The following ROBO2 variants were observed in gnomAD, a reference collection of about 807,000 sequenced individuals.
ROBO2 encodes roundabout guidance receptor 2.
ROBO2 carries 53 observed loss-of-function variants against 160.8 expected under a neutral mutation model. That is an observed-to-expected ratio of 0.33 (90% CI 0.26 to 0.41). The LOEUF is 0.41. Ranked by LOEUF, ROBO2 falls within the 10% of genes least tolerant of loss-of-function variation. The probability of loss-of-function intolerance (pLI) is 1.00; values close to 1 mark genes in which losing one functional copy is unlikely to be tolerated. For missense variants in ROBO2, 1,577 were observed against 1,722.4 expected, an observed-to-expected ratio of 0.92 and a Z score of 1.49; for synonymous variants, 664 against 611.7, an observed-to-expected ratio of 1.09 and a Z score of -1.26.
At chr3:76,070,204 C>A (rs898272215) in intron 2 of ROBO2, among the ~76,000 whole-genome samples, 1 of 152,196 alleles carries the variant, frequency 6.6e-6, no homozygotes, top group Admixed American at 6.5e-5. Flanking sequence ...CGCTGGTGAG[C>A]CGGGCGGAAC....
Position 76,679,489 on chromosome 3 carries a change from A to G in ROBO2, c.110-418525A>G, listed in dbSNP as rs116016029. Among the ~76,000 whole-genome samples the G allele has an allele frequency of 2.8e-3, 430 of 152,256 alleles. 2 individuals are homozygous for G. The highest frequency in any genetic ancestry group is 9.0e-3 in the African/African-American group (375 of 41,572). On this transcript the variant is annotated intron_variant, in intron 2 of 26. Coordinates refer to the ROBO2 transcript ENST00000487694. ...CGTATGTTTCTATGTAGTTATATAA[A>G]TATAAAACTATATAGGCATGCTTTA...
chr3:76,580,342 G>GTTTTTTTTTTTTTTTTTTTT (rs71101901), intron 2 of ROBO2, among the ~76,000 whole-genome samples: 5 of 90,560 alleles, frequency 5.5e-5, no homozygotes, highest in African/African-American at 8.7e-5. Context: ...TTTTTTTTGT[G>GTTTTTTTTTTTTTTTTTTTT]TTTTTTTTTT....
At chr3:76,032,403 T>G (rs2066953754) in intron 2 of ROBO2, among the ~76,000 whole-genome samples, 1 of 152,166 alleles carries the variant, frequency 6.6e-6, no homozygotes, top group Admixed American at 6.5e-5. Flanking sequence ...TGCTAGCTTT[T>G]GAATGTGTTT....
chr3:77,473,684 C>A (rs985057300), intron 2 of ROBO2, among the ~76,000 whole-genome samples: 3 of 151,954 alleles, frequency 2.0e-5, no homozygotes, highest in African/African-American at 7.3e-5. Flanking sequence ...TCTCGGTCTC[C>A]TGACCTCGTG....
chr3:76,542,960 G>C (rs1007171221), intron 2 of ROBO2, among the ~76,000 whole-genome samples: 4 of 152,034 alleles, frequency 2.6e-5, no homozygotes, highest in Non-Finnish European at 5.9e-5. Context: ...GTTTATCTCA[G>C]TTTTCCTACG....
At chr3:76,668,836 G>C (rs554928210) in intron 2 of ROBO2, among the ~76,000 whole-genome samples, 19 of 152,078 alleles carry the variant, frequency 1.2e-4, no homozygotes, top group Admixed American at 3.9e-4. Flanking sequence ...CTGAGGAACT[G>C]AAAGTGTAAT....
At chr3:76,834,620 C>T (rs750355601) in intron 2 of ROBO2, among the ~76,000 whole-genome samples, 3 of 152,082 alleles carry the variant, frequency 2.0e-5, no homozygotes, top group Non-Finnish European at 2.9e-5. Context: ...GATCTGCCCA[C>T]CTCCCAAAGT....
At chr3:76,660,197 T>A (rs1173511988) in intron 2 of ROBO2, among the ~76,000 whole-genome samples, 1 of 152,192 alleles carries the variant, frequency 6.6e-6, no homozygotes, top group Non-Finnish European at 1.5e-5. Flanking sequence ...GGATTCACAA[T>A]TTTGTTTTCT....
intron 1 of ROBO2, among the ~76,000 whole-genome samples, chr3:77,055,469 A>C (rs985442877): frequency 1.3e-5 from 2 of 152,176 alleles, no homozygotes; most frequent in Non-Finnish European, 2.9e-5. Flanking sequence ...ATAGAAATAG[A>C]GGTGCTGGAA....
intron 2 of ROBO2, among the ~76,000 whole-genome samples, chr3:76,800,479 G>A (rs2064113759): frequency 6.6e-6 from 1 of 152,090 alleles, no homozygotes; most frequent in Non-Finnish European, 1.5e-5. Context: ...CATCTGACAA[G>A]GGATTAATAA....
At chr3:77,421,194 G>A (rs1012565286) in intron 2 of ROBO2, among the ~76,000 whole-genome samples, 6 of 152,116 alleles carry the variant, frequency 3.9e-5, no homozygotes, top group African/African-American at 1.4e-4. Flanking sequence ...TACATTAGAT[G>A]TGTCTGGAAA....
intron 2 of ROBO2, among the ~76,000 whole-genome samples, chr3:76,021,735 G>A (rs1278903485): frequency 6.6e-6 from 1 of 151,722 alleles, no homozygotes; most frequent in South Asian, 2.1e-4. Flanking sequence ...AAATGCTAAC[G>A]ATTATCTATT....
chr3:77,507,148 T>C (rs557967582), intron 5 of ROBO2, among the ~76,000 whole-genome samples: 29 of 152,296 alleles, frequency 1.9e-4, no homozygotes, highest in Middle Eastern at 3.4e-3. Flanking sequence ...ACAAGTTATG[T>C]GAAACATTTA....
rs2095429263 is a variant in ROBO2, at chr3:77,648,734, G to A, written c.*2679G>A. 6.6e-6 allele frequency: 1 copy of A among 152,164 alleles called. No individual in the cohort carries two copies. The highest frequency in any genetic ancestry group is 1.5e-5 in the Non-Finnish European group (1 of 68,034). The allele number at this position is 152,164 out of a possible 1,614,324, so 9.4% of individuals were successfully genotyped here. On this transcript the variant is annotated 3_prime_UTR_variant, in exon 26 of 26. Transcript: ENST00000461745. ...AAGTAGTAAAAAGCTACTAATCAGT[G>A]TTGAGTCAGATGTCAACAGAAAAAT...
At chr3:76,059,742 T>G (rs1484620245) in intron 2 of ROBO2, among the ~76,000 whole-genome samples, 1 of 152,192 alleles carries the variant, frequency 6.6e-6, no homozygotes, top group Non-Finnish European at 1.5e-5. Context: ...ATGTCCTGAA[T>G]GGTATTGCCT....
chr3:77,546,259 A>G (rs2092694053), intron 6 of ROBO2, 79 bp from the exon 8 acceptor site: 1 of 1,477,620 alleles, frequency 6.8e-7, no homozygotes, highest in Non-Finnish European at 9.4e-7. Context: ...CAGTCAACAT[A>G]GTACCATATT....
intron 2 of ROBO2, among the ~76,000 whole-genome samples, chr3:77,300,326 T>C (rs1292141694): frequency 3.9e-5 from 6 of 152,072 alleles, no homozygotes. Flanking sequence ...ATAGAGCAGC[T>C]ACTCAGAATT....
chr3:77,173,151 T>C (rs1442744373), intron 2 of ROBO2, among the ~76,000 whole-genome samples: 1 of 152,132 alleles, frequency 6.6e-6, no homozygotes, highest in Non-Finnish European at 1.5e-5. Flanking sequence ...GGTAAGAACA[T>C]TTTGTAAAGG....
At chr3:76,168,112 A>C (rs903195713) in intron 2 of ROBO2, among the ~76,000 whole-genome samples, 2 of 152,212 alleles carry the variant, frequency 1.3e-5, no homozygotes, top group Admixed American at 1.3e-4. Flanking sequence ...TGCTGAAAGA[A>C]AGAAACCTAG....
Sources: allele counts gnomAD v4.1 joint callset (sites outside exome capture counted in the v4.1 genomes callset), GRCh38; gene constraint gnomAD v4.1.1; transcripts MANE v1.5; gene names NCBI Gene and HGNC (gene_info 2026-07-23, HGNC 2026-07-21).